Variants in VIRMA observed in about 807,000 individuals in gnomAD.
The protein encoded by VIRMA is protein virilizer homolog.
Under a neutral mutation model 182.4 loss-of-function variants are expected in VIRMA, and 65 were observed. That is an observed-to-expected ratio of 0.36 (90% confidence interval 0.29 to 0.44). The LOEUF (loss-of-function observed/expected upper bound fraction) is 0.44. Among genes scored for constraint, VIRMA ranks in the 20% least tolerant of loss-of-function variants. The pLI is 1.00. For synonymous variants in VIRMA, 709 were observed against 743.1 expected, an observed-to-expected ratio of 0.95 and a Z score of 0.75; for missense variants, 1,752 against 2,158.1, an observed-to-expected ratio of 0.81 and a Z score of 3.73.
At chr8:94,534,759 A>C in intron 5 of VIRMA, 80 bp downstream of exon 5, 1 of 1,528,288 alleles carries the variant, frequency 6.5e-7, no homozygotes, top group South Asian at 1.2e-5. Context: ...CAAAAGGTAA[A>C]AGAGTGCTCT....
At chr8:94,526,133 C>T in intron 8 of VIRMA, 90 bp downstream of exon 8, 1 of 963,690 alleles carries the variant, frequency 1.0e-6, no homozygotes, top group Non-Finnish European at 1.6e-6. Flanking sequence ...AAATAAGTTA[C>T]CTACAATCAG....
chr8:94,541,046 T>C (rs886913383), intron 2 of VIRMA, among the ~76,000 whole-genome samples: 3 of 151,256 alleles, frequency 2.0e-5, no homozygotes, highest in African/African-American at 7.3e-5. Flanking sequence ...CACACACACA[T>C]ACAAACACAC....
chr8:94,497,310 C>CCTAGCT (rs1254712832), intron 17 of VIRMA: 1 of 152,164 alleles, frequency 6.6e-6, no homozygotes, highest in Non-Finnish European at 1.5e-5. Flanking sequence ...CACTATGTTA[C>CCTAGCT]CTAGGCTAAT....
intron 1 of VIRMA, 78 bp from the exon 2 acceptor site, chr8:94,544,020 T>C (rs935112662): frequency 1.4e-6 from 1 of 717,990 alleles, no homozygotes; most frequent in Admixed American, 2.2e-5. Flanking sequence ...ATTTTATTCA[T>C]TCACAATGTC....
Position 94,527,128 on chromosome 8 carries a change from A to G in VIRMA, c.1116T>C (p.Asp372=), listed in dbSNP as rs1379668625. ...CTTCGATTGCCCCTGAATTTTCTTT[A>G]TCTGGACCTTGATCCTTCATTCTAC... is the stretch of plus-strand genomic sequence containing the variant. ...EISRMKDQGP[D]KENSGAIEAS... Residue 372 remains aspartate (D), a synonymous_variant, in exon 8 of 24, where the codon GAT becomes GAC. Coordinates refer to ENST00000297591, the MANE Select transcript of VIRMA (RefSeq NM_015496.5). 2 of 1,614,042 alleles carry G rather than the reference A, an allele frequency of 1.2e-6. No homozygotes were observed. The highest frequency in any genetic ancestry group is 2.7e-5 in the African/African-American group (2 of 74,926).
intron 23 of VIRMA, 47 bp downstream of exon 23, chr8:94,489,892 A>C (rs1563675152): frequency 6.3e-7 from 1 of 1,590,662 alleles, no homozygotes; most frequent in Non-Finnish European, 8.6e-7. Context: ...TTAAAGGAGG[A>C]ATTTACTTCC....
chr8:94,521,140 T>C (rs1213673335), intron 8 of VIRMA, among the ~76,000 whole-genome samples: 6 of 152,208 alleles, frequency 3.9e-5, no homozygotes, highest in Admixed American at 6.5e-5. Flanking sequence ...GCTGCACCTA[T>C]CAACCCATCA....
Position 94,553,449 on chromosome 8 carries a change from T to C in VIRMA, c.-2A>G, listed in dbSNP as rs144218264. 1 of 1,614,022 alleles carries C rather than the reference T, an allele frequency of 6.2e-7. No individual in the cohort carries two copies. The highest frequency in any genetic ancestry group is 8.5e-7 in the Non-Finnish European group (1 of 1,180,028). ...CTCCATCGCCGAGTCCACCGCCATG[T>C]TTGCCGCGGGCGGGGAACAGGGGGG... On this transcript the variant is annotated 5_prime_UTR_variant, in exon 1 of 24. Transcript: ENST00000297591.
intron 14 of VIRMA, 49 bp downstream of exon 14, chr8:94,510,368 G>A: frequency 1.4e-6 from 2 of 1,434,048 alleles, no homozygotes; most frequent in Non-Finnish European, 1.9e-6. Context: ...AAAAATATAT[G>A]TGTCAAAAAT....
intron 1 of VIRMA, 120 bp downstream of exon 1, chr8:94,553,263 CTG>C: frequency 1.0e-6 from 1 of 956,188 alleles, no homozygotes; most frequent in Non-Finnish European, 1.7e-6. Flanking sequence ...GGGAGGGTGT[CTG>C]TGTGTAAGCG....
intron 10 of VIRMA, among the ~76,000 whole-genome samples, chr8:94,516,688 A>C (rs1814570896): frequency 6.6e-6 from 1 of 152,214 alleles, no homozygotes; most frequent in Non-Finnish European, 1.5e-5. Flanking sequence ...CAGAATACCC[A>C]ACACCCAGAA....
At chr8:94,522,778 A>G (rs895236818) in intron 8 of VIRMA, among the ~76,000 whole-genome samples, 6 of 152,218 alleles carry the variant, frequency 3.9e-5, no homozygotes, top group African/African-American at 1.4e-4. Flanking sequence ...ACCTCAGACT[A>G]TCTTATCTTC....
chr8:94,542,385 C>T (rs1815586784), intron 2 of VIRMA, among the ~76,000 whole-genome samples: 1 of 152,150 alleles, frequency 6.6e-6, no homozygotes. Flanking sequence ...CATGAATGAA[C>T]TACCAAGCAA....
Position 94,492,835 on chromosome 8 carries a change from GA to G in VIRMA, c.4642-18del. 6.3e-7 allele frequency: 1 copy of G among 1,583,236 alleles called. No homozygotes were observed. Among genetic ancestry groups the G allele is most frequent in the Non-Finnish European group, 8.6e-7 (1 of 1,156,716 alleles). Reference sequence around the variant, plus strand: ...AACCTTTACCTGCAGTCATAATAATGAAACAAAACACATATTAAATGTAATT... The same window carrying G: ...AACCTTTACCTGCAGTCATAATAATGAACAAAACACATATTAAATGTAATT... On this transcript the variant is annotated intron_variant, in intron 20 of 23. Transcript: ENST00000297591.
chr8:94,534,663 C>A (rs1270494656), intron 5 of VIRMA, among the ~76,000 whole-genome samples, 176 bp downstream of exon 5: 1 of 151,122 alleles, frequency 6.6e-6, no homozygotes, highest in African/African-American at 2.4e-5. Flanking sequence ...TTCTCTCCCC[C>A]TCTGCCCCTC....
At chr8:94,536,786 T>C (rs1815360459) in intron 4 of VIRMA, among the ~76,000 whole-genome samples, 1 of 152,158 alleles carries the variant, frequency 6.6e-6, no homozygotes, top group African/African-American at 2.4e-5. Flanking sequence ...AAGACCATCC[T>C]GGCTAATACG....
chr8:94,533,143 A>G (rs1048288102), intron 5 of VIRMA, among the ~76,000 whole-genome samples: 1 of 151,744 alleles, frequency 6.6e-6, no homozygotes, highest in Non-Finnish European at 1.5e-5. Flanking sequence ...CATACTTTCT[A>G]TCCACAAGGA....
At chr8:94,507,912 T>G (rs1814222174) in intron 15 of VIRMA, among the ~76,000 whole-genome samples, 1 of 120,568 alleles carries the variant, frequency 8.3e-6, no homozygotes, top group African/African-American at 2.7e-5. Flanking sequence ...TGTATATATG[T>G]ATGTGTATAT....
chr8:94,501,255 CAAA>C (rs55726504), intron 16 of VIRMA, among the ~76,000 whole-genome samples: 72 of 72,832 alleles, frequency 9.9e-4, no homozygotes, highest in African/African-American at 4.0e-3. Context: ...GATTCCATCT[CAAA>C]AAAAAAAAAA....
Sources: gnomAD v4.1 joint callset for allele counts (sites outside exome capture counted in the v4.1 genomes callset) on GRCh38, gnomAD v4.1.1 for gene constraint, MANE v1.5 for transcripts, NCBI Gene and HGNC (gene_info 2026-07-23, HGNC 2026-07-21) for gene names.